Variants in CDK14 observed in about 807,000 individuals in gnomAD.
CDK14 encodes the protein cyclin dependent kinase 14.
A neutral mutation model predicts 60.7 loss-of-function variants in CDK14; 34 were observed. That is an observed-to-expected ratio of 0.56 (90% CI 0.43 to 0.75). CDK14 has a LOEUF of 0.75. Among genes scored for constraint, CDK14 ranks in the 30% least tolerant of loss-of-function variants. The pLI is 0.00. For synonymous variants in CDK14, 197 were observed against 203.7 expected (o/e 0.97, Z 0.28); for missense variants, 482 against 564.1 (o/e 0.85, Z 1.47).
intron 12 of CDK14, among the ~76,000 whole-genome samples, chr7:91,108,345 A>G (rs1799370394): frequency 6.6e-6 from 1 of 152,226 alleles, no homozygotes; most frequent in South Asian, 2.1e-4. Context: ...CAACACTTAA[A>G]GCATGTTTAC....
intron 3 of CDK14, among the ~76,000 whole-genome samples, chr7:90,728,383 C>A (rs1019076781): frequency 6.6e-6 from 1 of 151,744 alleles, no homozygotes; most frequent in Non-Finnish European, 1.5e-5. Context: ...GTTACCTTTT[C>A]TTTTCCCTAT....
intron 14 of CDK14, among the ~76,000 whole-genome samples, chr7:91,175,343 G>A (rs1314437847): frequency 3.3e-5 from 5 of 152,130 alleles, no homozygotes; most frequent in African/African-American, 4.8e-5. Flanking sequence ...GGTATCAGCT[G>A]CTGCAAAATC....
intron 10 of CDK14, among the ~76,000 whole-genome samples, chr7:91,035,293 A>G (rs1171760396): frequency 6.6e-6 from 1 of 152,206 alleles, no homozygotes. Context: ...TGGAGGCAGA[A>G]TTTGATCCTT....
chr7:90,929,025 C>T (rs985544096), intron 8 of CDK14, among the ~76,000 whole-genome samples: 5 of 152,216 alleles, frequency 3.3e-5, no homozygotes, highest in African/African-American at 9.6e-5. Flanking sequence ...CTGAGCCAGG[C>T]GCAGGATGTA....
At chr7:90,910,628 C>T (rs2117392643) in intron 7 of CDK14, among the ~76,000 whole-genome samples, 1 of 152,244 alleles carries the variant, frequency 6.6e-6, no homozygotes, top group Non-Finnish European at 1.5e-5. Context: ...TAGTATATAG[C>T]TATTTTAATT....
chr7:90,754,414 G>A (rs1297447353), intron 4 of CDK14, among the ~76,000 whole-genome samples: 3 of 152,052 alleles, frequency 2.0e-5, no homozygotes, highest in African/African-American at 7.2e-5. Context: ...TTCTTGTATA[G>A]ATGGCTGTCC....
intron 5 of CDK14, among the ~76,000 whole-genome samples, chr7:90,832,430 T>G (rs959959918): frequency 6.6e-6 from 1 of 152,224 alleles, no homozygotes; most frequent in African/African-American, 2.4e-5. Context: ...CCATAGCTGA[T>G]TGACTTAGGC....
chr7:90,915,572 T>A (rs1793054685), intron 7 of CDK14, among the ~76,000 whole-genome samples: 2 of 152,198 alleles, frequency 1.3e-5, no homozygotes, highest in Admixed American at 6.5e-5. Flanking sequence ...TTGGAGGCCA[T>A]GTTATTAGAT....
intron 13 of CDK14, among the ~76,000 whole-genome samples, chr7:91,115,733 G>T (rs1313948387): frequency 6.6e-6 from 1 of 152,194 alleles, no homozygotes; most frequent in East Asian, 1.9e-4. Context: ...ATCAAGTGTG[G>T]TTGGAGCCTG....
intron 2 of CDK14, among the ~76,000 whole-genome samples, chr7:90,671,634 A>T (rs10274736): frequency 2.7e-4 from 41 of 152,222 alleles, no homozygotes; most frequent in African/African-American, 9.4e-4. Flanking sequence ...GGGTGGCTCA[A>T]TAGGGGGCAT....
rs150118596 is a variant in CDK14, at chr7:91,122,437, C to T, written c.*28+4229C>T. 6.6e-3 allele frequency among the ~76,000 whole-genome samples: 1,004 copies of T among 152,258 alleles called. 14 individuals carry two copies. The highest frequency in any genetic ancestry group is 0.023 in the African/African-American group (937 of 41,546). On this transcript the variant is annotated intron_variant, in intron 14 of 14. Coordinates refer to ENST00000380050, the MANE Select transcript of CDK14 (RefSeq NM_001287135.2). ...CTGCTTTTAGACAGAACACAATGCA[C>T]TGGTGCTTAAGACTGTGGCAGCACT...
At chr7:90,622,923 C>CTT (rs1245736325) in intron 2 of CDK14, among the ~76,000 whole-genome samples, 373 of 130,290 alleles carry the variant, frequency 2.9e-3, no homozygotes, top group African/African-American at 9.0e-3. Context: ...CTTTTTTTTT[C>CTT]TTTTTTTTTT....
intron 5 of CDK14, among the ~76,000 whole-genome samples, chr7:90,817,886 G>A (rs1213559254): frequency 1.3e-5 from 2 of 152,030 alleles, no homozygotes; most frequent in Non-Finnish European, 2.9e-5. Flanking sequence ...GGATTATTCC[G>A]GATGGTTCAT....
rs111947997 is a variant in CDK14, at chr7:91,082,578, G to C, written c.1154+3098G>C. 8.1e-3 allele frequency among the ~76,000 whole-genome samples: 1,234 copies of C among 152,206 alleles called. 18 individuals are homozygous for C. Among genetic ancestry groups the C allele is most frequent in the African/African-American group, 0.027 (1,139 of 41,538 alleles). The stretch of plus-strand genomic sequence containing the variant: ...TTTCTGGAAACACAAAAATAGAGAA[G>C]AAAAATCTTACCTGCTACAATTGAA... On this transcript the variant is annotated intron_variant, in intron 12 of 14. Coordinates refer to ENST00000380050, the MANE Select transcript of CDK14 (RefSeq NM_001287135.2).
intron 11 of CDK14, among the ~76,000 whole-genome samples, chr7:91,070,088 C>T (rs576135632): frequency 3.9e-5 from 6 of 152,298 alleles, no homozygotes; most frequent in African/African-American, 1.4e-4. Context: ...TGAGCCACCA[C>T]ACCCAGCCTG....
At chr7:90,763,359 C>G (rs115418003) in intron 4 of CDK14, among the ~76,000 whole-genome samples, 1,954 of 152,240 alleles carry the variant, frequency 0.013, 59 homozygotes, top group African/African-American at 0.045. Context: ...GCACAGTGCT[C>G]CTTTCACCTA....
intron 3 of CDK14, among the ~76,000 whole-genome samples, chr7:90,731,619 A>T (rs1002518876): frequency 4.6e-5 from 7 of 151,986 alleles, no homozygotes; most frequent in Admixed American, 1.3e-4. Flanking sequence ...ATGGGAGTTC[A>T]CTCATGATTT....
In CDK14 at chr7:91,008,127, C is replaced by CAAAAAAAAAAAAAAA. The variant is rs56082719; in HGVS notation, c.1041+23890_1041+23904dup. Among the ~76,000 whole-genome samples, 12 of 62,574 alleles carry CAAAAAAAAAAAAAAA rather than the reference C, an allele frequency of 1.9e-4. 1 individual carries two copies. The highest frequency in any genetic ancestry group is 2.4e-4 in the African/African-American group (4 of 16,708). 41.1% of individuals were successfully genotyped at this position (62,574 alleles called of 152,430 possible). ...ATGGGAGCCAGTGCCGGGAGAAGGC[C>CAAAAAAAAAAAAAAA]AAAAAAAAAAAAAAAAAACAAACAA... On this transcript the variant is annotated intron_variant, in intron 10 of 14. Coordinates refer to ENST00000380050, the MANE Select transcript of CDK14 (RefSeq NM_001287135.2).
At chr7:90,919,492 T>C (rs1033526922) in intron 8 of CDK14, among the ~76,000 whole-genome samples, 3 of 152,100 alleles carry the variant, frequency 2.0e-5, no homozygotes, top group Non-Finnish European at 4.4e-5. Context: ...ATTTAGATGA[T>C]TTTTTTAGAA....
Sources: gnomAD v4.1 joint callset for allele counts (sites outside exome capture counted in the v4.1 genomes callset) on GRCh38, gnomAD v4.1.1 for gene constraint, MANE v1.5 for transcripts, NCBI Gene and HGNC (gene_info 2026-07-23, HGNC 2026-07-21) for gene names.